MVP: variants seen among roughly 807,000 people sequenced by gnomAD.
MVP encodes the protein major vault protein.
In MVP, 62 loss-of-function variants were observed where a neutral mutation model predicts 83.5. The observed-to-expected ratio is 0.74, with a 90% CI of 0.61 to 0.92. The LOEUF (loss-of-function observed/expected upper bound fraction) is 0.92, where lower values mean the gene tolerates loss of function less well. Ranked by LOEUF, MVP falls within the 40% of genes least tolerant of loss-of-function variation. The pLI is 0.00. For synonymous variants in MVP, 505 were observed against 504.1 expected (o/e 1.00, Z -0.02); for missense variants, 1,000 against 1,203.4 (o/e 0.83, Z 2.50).
rs1452014996 is a variant in MVP at position 29,836,834 on chromosome 16, A to C, written c.785A>C (p.Asp262Ala). 1 of 1,613,900 alleles carries C rather than the reference A, an allele frequency of 6.2e-7. No homozygotes were observed. Among genetic ancestry groups the C allele is most frequent in the East Asian group, 2.2e-5 (1 of 44,876 alleles). ...TVQDTEAHVP[D>A]VHEEVLGVVP... ...CAGGACACAGAGGCCCACGTGCCAG[A>C]TGTCCACGAGGAGGTGCTGGGGGTT... is the stretch of plus-strand genomic sequence containing the variant. Residue 262 changes from aspartate (D) to alanine (A), a missense_variant, in exon 7 of 15, where the codon GAT becomes GCT. By Grantham distance (126) the Asp-to-Ala change is moderately radical. Coordinates refer to ENST00000357402, the MANE Select transcript of MVP (RefSeq NM_005115.5).
chr16:29,822,091 T>G (rs1361950165), intron 1 of MVP, among the ~76,000 whole-genome samples: 1 of 151,492 alleles, frequency 6.6e-6, no homozygotes, highest in Non-Finnish European at 1.5e-5. Context: ...GGTTTTGTTT[T>G]TTTTTTTTTT....
Position 29,835,764 on chromosome 16 carries a change from T to C in MVP, c.638T>C (p.Leu213Pro), listed in dbSNP as rs1301607313. 1 of 1,613,980 alleles carries C rather than the reference T, an allele frequency of 6.2e-7. No individual in the cohort carries two copies. The highest frequency in any genetic ancestry group is 8.5e-7 in the Non-Finnish European group (1 of 1,179,996). ...CTCCCAGCGGTGTTTGAGGAGGTTCTGGATTTGGTGGACGCCGTCATCCTT... is the reference window on the plus strand; with the variant it reads ...CTCCCAGCGGTGTTTGAGGAGGTTCCGGATTTGGTGGACGCCGTCATCCTT... ...AYLPAVFEEV[L>P]DLVDAVILTE... Residue 213 changes from leucine to proline, a missense_variant, in exon 6 of 15, where the codon CTG becomes CCG. Physicochemically the swap from Leu to Pro is moderately conservative, Grantham distance 98. Transcript: ENST00000357402.
intron 6 of MVP, among the ~76,000 whole-genome samples, chr16:29,836,098 G>A (rs1025989512): frequency 4.0e-5 from 6 of 151,346 alleles, no homozygotes; most frequent in Admixed American, 6.6e-5. Context: ...AGAACTCATC[G>A]CTACAAAAAA....
At position 29,835,806 on chromosome 16, in the gene MVP, C is replaced by T; in HGVS notation, c.672+8C>T. On this transcript the variant is annotated splice_region_variant and intron_variant, in intron 6 of 14. Coordinates refer to ENST00000357402, the MANE Select transcript of MVP (RefSeq NM_005115.5). ...GTCATCCTTACGGAAAAGGTTGGTG[C>T]TCTGGGGGCTGTGGTTTAAGGGACC... 1 of 1,612,478 alleles carries T rather than the reference C, an allele frequency of 6.2e-7. No individual in the cohort carries two copies. Among genetic ancestry groups the T allele is most frequent in the Non-Finnish European group, 8.5e-7 (1 of 1,179,320 alleles).
At chr16:29,822,470 C>T (rs993962270) in intron 1 of MVP, 1 of 152,118 alleles carries the variant, frequency 6.6e-6, no homozygotes. Context: ...GAATATTTAA[C>T]TTAAATCAGT....
At chr16:29,840,772 C>T (rs1231601586) in intron 8 of MVP, among the ~76,000 whole-genome samples, 1 of 152,090 alleles carries the variant, frequency 6.6e-6, no homozygotes, top group Non-Finnish European at 1.5e-5. Context: ...GAAACCCTGT[C>T]TCTACTAAAA....
At chr16:29,847,152 A>T (rs758618978) in intron 13 of MVP, 45 bp from the exon 14 acceptor site, 16 of 1,596,776 alleles carry the variant, frequency 1.0e-5, no homozygotes, top group Non-Finnish European at 1.2e-5. Flanking sequence ...TCTGCATTCC[A>T]GCCTGGGTCA....
intron 7 of MVP, 163 bp from the exon 8 acceptor site, chr16:29,840,015 C>T (rs2067520305): frequency 1.6e-6 from 1 of 635,744 alleles, no homozygotes; most frequent in East Asian, 2.8e-5. Flanking sequence ...TAGAGCCTCA[C>T]AGTCCAGACA....
At chr16:29,820,711 C>A (rs576397425) in intron 1 of MVP, among the ~76,000 whole-genome samples, 4 of 152,234 alleles carry the variant, frequency 2.6e-5, no homozygotes, top group African/African-American at 7.2e-5. Context: ...TGGGAGTCTT[C>A]TGGGTTTTGA....
At position 29,833,765 on chromosome 16, in the gene MVP, C is replaced by T. The variant is rs759408715; in HGVS notation, c.354C>T (p.Asn118=). The stretch of plus-strand genomic sequence containing the variant: ...CACCCCTGCAGGTGGTTCTGCCCAA[C>T]ACTGCCCTCCATCTAAAGGCGCTGC... The part of the protein sequence containing the change: ...DITPLQVVLP[N]TALHLKALLD... The change falls in exon 4 of 15, where the codon AAC becomes AAT. Residue 118 remains asparagine, a synonymous_variant. Transcript: ENST00000357402. 4 of 1,614,104 alleles carry T rather than the reference C, an allele frequency of 2.5e-6. No homozygotes were observed. Among genetic ancestry groups the T allele is most frequent in the East Asian group, 2.2e-5 (1 of 44,880 alleles).
chr16:29,820,792 G>C (rs1900357176), intron 1 of MVP: 1 of 152,316 alleles, frequency 6.6e-6, no homozygotes, highest in African/African-American at 2.4e-5. Context: ...TCTGACTTCA[G>C]GGTCCCACCT....
intron 3 of MVP, chr16:29,831,720 C>T (rs772322702): frequency 6.8e-5 from 31 of 455,962 alleles, no homozygotes; most frequent in African/African-American, 2.6e-4. Flanking sequence ...TTCATTCACC[C>T]GGTGCCAGAC....
intron 10 of MVP, among the ~76,000 whole-genome samples, chr16:29,844,022 C>CA (rs2150760373): frequency 1.3e-5 from 2 of 152,352 alleles, no homozygotes; most frequent in South Asian, 4.1e-4. Context: ...CCAGGCACTA[C>CA]AACATCATAG....
intron 8 of MVP, among the ~76,000 whole-genome samples, chr16:29,840,696 C>T (rs752029688): frequency 6.6e-6 from 1 of 152,160 alleles, no homozygotes; most frequent in Non-Finnish European, 1.5e-5. Context: ...AATCTCAGCA[C>T]TTTGGGAGGC....
rs2067570518 is a variant in MVP, at chr16:29,844,873, C to T, written c.2015C>T (p.Ala672Val). 8.8e-6 allele frequency: 14 copies of T among 1,598,372 alleles called. No homozygotes were observed. The highest frequency in any genetic ancestry group is 1.1e-5 in the Non-Finnish European group (13 of 1,177,258). ...IEITTNSQEA[A>V]AKHEAQRLEQ... ...ATCACCACCAACTCCCAGGAAGCGG[C>T]GGCCAAGTAAGTGAGGCTGGGAGCT... The change falls in exon 11 of 15, where the codon GCG (alanine) becomes GTG (valine). Residue 672 changes from alanine to valine, a missense_variant. Transcript: ENST00000357402.
rs902238887 is a variant in MVP at position 29,833,943 on chromosome 16, A to C, written c.454A>C (p.Ile152Leu). Residue 152 changes from isoleucine (I) to leucine (L), a missense_variant, in exon 5 of 15, where the codon ATC becomes CTC. By Grantham distance (5) the Ile-to-Leu change is conservative (BLOSUM62 2). Coordinates refer to ENST00000357402, the MANE Select transcript of MVP (RefSeq NM_005115.5). The part of the protein sequence containing the change: ...EWLFEGPGTY[I>L]PRKEVEVVEI... ...TCACCTTCCCTCCCCAGGCACGTAC[A>C]TCCCCCGGAAGGAAGTGGAGGTCGT... is the stretch of plus-strand genomic sequence containing the variant. 8.7e-6 allele frequency: 14 copies of C among 1,613,834 alleles called. No individual in the cohort carries two copies. Among genetic ancestry groups the C allele is most frequent in the Non-Finnish European group, 3.4e-6 (4 of 1,179,984 alleles).
At chr16:29,824,994 C>T (rs1040808226) in intron 1 of MVP, among the ~76,000 whole-genome samples, 8 of 151,936 alleles carry the variant, frequency 5.3e-5, no homozygotes, top group Admixed American at 3.9e-4. Flanking sequence ...CTCCCACCTT[C>T]GGCCTCCCAA....
At chr16:29,827,436 G>T (rs574224891) in intron 1 of MVP, among the ~76,000 whole-genome samples, 26 of 152,262 alleles carry the variant, frequency 1.7e-4, no homozygotes, top group African/African-American at 6.3e-4. Flanking sequence ...TGGAATGGGT[G>T]CCCCGAGCCA....
intron 11 of MVP, among the ~76,000 whole-genome samples, chr16:29,845,159 G>T (rs1423042023): frequency 2.0e-5 from 3 of 149,432 alleles, no homozygotes; most frequent in Non-Finnish European, 4.4e-5. Flanking sequence ...CTGCACTCCA[G>T]CCTGGGCAAC....
Sources: gnomAD v4.1 joint callset for allele counts (sites outside exome capture counted in the v4.1 genomes callset) on GRCh38, gnomAD v4.1.1 for gene constraint, MANE v1.5 for transcripts, NCBI Gene and HGNC (gene_info 2026-07-23, HGNC 2026-07-21) for gene names.